DAB1: variants seen among roughly 807,000 people sequenced by gnomAD.
DAB1 encodes the protein DAB adaptor protein 1, also known as disabled homolog 1.
DAB1 carries 15 observed loss-of-function variants against 64.6 expected under a neutral mutation model. The observed-to-expected ratio is 0.23, with a 90% confidence interval of 0.16 to 0.36. The LOEUF is 0.36. DAB1 is among the 10% of genes least tolerant of loss of function. The probability of loss-of-function intolerance (pLI) is 1.00; values close to 1 mark genes in which losing one functional copy is unlikely to be tolerated. For missense variants in DAB1, 596 were observed against 706.7 expected (o/e 0.84, Z 1.78); for synonymous variants, 235 against 251.9 (o/e 0.93, Z 0.64).
At chr1:57,266,101 T>A (rs899446677) in intron 2 of DAB1, among the ~76,000 whole-genome samples, 10 of 151,680 alleles carry the variant, frequency 6.6e-5, no homozygotes, top group African/African-American at 2.4e-4. Context: ...ACAAGCAGAG[T>A]CATCTGCACA....
At chr1:57,506,214 G>C (rs1283778252) in intron 7 of DAB1, among the ~76,000 whole-genome samples, 1 of 152,130 alleles carries the variant, frequency 6.6e-6, no homozygotes, top group African/African-American at 2.4e-5. Context: ...AAGGAGGAAA[G>C]GGGAACTTTT....
intron 7 of DAB1, among the ~76,000 whole-genome samples, chr1:57,486,727 G>C (rs2101259895): frequency 6.6e-6 from 1 of 152,158 alleles, no homozygotes; most frequent in East Asian, 1.9e-4. Context: ...CTCAGCTTCA[G>C]GTACAATAAG....
intron 3 of DAB1, among the ~76,000 whole-genome samples, chr1:58,394,450 A>T (rs768771921): frequency 1.3e-5 from 2 of 152,220 alleles, no homozygotes; most frequent in African/African-American, 2.4e-5. Context: ...AACAGCCAAA[A>T]AGTGGAAACA....
intron 5 of DAB1, among the ~76,000 whole-genome samples, chr1:58,003,715 G>A (rs952935632): frequency 3.3e-5 from 5 of 152,124 alleles, no homozygotes; most frequent in Non-Finnish European, 7.3e-5. Flanking sequence ...GATGCTTCCC[G>A]GGCAAGGTGG....
intron 2 of DAB1, among the ~76,000 whole-genome samples, chr1:57,146,079 G>A (rs1659097747): frequency 6.6e-6 from 1 of 152,198 alleles, no homozygotes; most frequent in Non-Finnish European, 1.5e-5. Flanking sequence ...ATAATATTTT[G>A]CTAAGACACA....
chr1:57,363,837 C>T (rs1679749804), intron 1 of DAB1, among the ~76,000 whole-genome samples: 1 of 152,126 alleles, frequency 6.6e-6, no homozygotes, highest in Admixed American at 6.5e-5. Context: ...TCAGCTGTTC[C>T]ACTGCACCAG....
At chr1:58,474,803 G>A (rs1055691928) in intron 3 of DAB1, among the ~76,000 whole-genome samples, 3 of 152,326 alleles carry the variant, frequency 2.0e-5, no homozygotes, top group African/African-American at 4.8e-5. Flanking sequence ...GACAGTGAAA[G>A]CCTTTGAGTC....
chr1:58,142,295 T>C (rs945405203), intron 5 of DAB1, among the ~76,000 whole-genome samples: 1 of 152,250 alleles, frequency 6.6e-6, no homozygotes, highest in Non-Finnish European at 1.5e-5. Context: ...GCCAGCAGCA[T>C]TAAGCTGGTG....
At chr1:57,629,330 T>C (rs997021975) in intron 7 of DAB1, among the ~76,000 whole-genome samples, 2 of 152,166 alleles carry the variant, frequency 1.3e-5, no homozygotes, top group African/African-American at 4.8e-5. Flanking sequence ...CTGATGTAGA[T>C]TTCATGTGAC....
intron 7 of DAB1, among the ~76,000 whole-genome samples, chr1:57,559,434 A>G (rs914035857): frequency 1.3e-5 from 2 of 152,274 alleles, no homozygotes; most frequent in South Asian, 4.1e-4. Flanking sequence ...TCTTTCTCCC[A>G]TCCTTCCCGA....
intron 4 of DAB1, among the ~76,000 whole-genome samples, chr1:57,112,274 G>A (rs1655730174): frequency 6.6e-6 from 1 of 152,204 alleles, no homozygotes; most frequent in African/African-American, 2.4e-5. Context: ...ATACTTCAGA[G>A]TAAGTGCTGC....
At chr1:58,306,158 T>C (rs1339013782) in intron 4 of DAB1, among the ~76,000 whole-genome samples, 1 of 152,166 alleles carries the variant, frequency 6.6e-6, no homozygotes, top group Admixed American at 6.5e-5. Flanking sequence ...TTATTGGAGA[T>C]CTCAGATTCT....
intron 7 of DAB1, among the ~76,000 whole-genome samples, chr1:57,594,374 A>G (rs1038157962): frequency 4.6e-5 from 7 of 152,152 alleles, no homozygotes; most frequent in African/African-American, 1.7e-4. Flanking sequence ...TTAACAAATG[A>G]AGCCACCAGG....
chr1:57,367,222 C>T lies in DAB1; in HGVS notation c.-137+56708G>A, dbSNP rs368789331. 1.6e-3 allele frequency among the ~76,000 whole-genome samples: 248 copies of T among 152,110 alleles called. 1 individual carries two copies. The highest frequency in any genetic ancestry group is 5.5e-3 in the African/African-American group (227 of 41,528). ...CCAGGGAGGCTGAGGCTGCAGTAAGCTGTGATGGCACTACTGCACTTCAGC... is the reference window on the plus strand; with the variant it reads ...CCAGGGAGGCTGAGGCTGCAGTAAGTTGTGATGGCACTACTGCACTTCAGC... On this transcript the variant is annotated intron_variant, in intron 1 of 14. Coordinates refer to ENST00000371236, the MANE Select transcript of DAB1 (RefSeq NM_001365792.1).
intron 7 of DAB1, among the ~76,000 whole-genome samples, chr1:57,599,838 T>C (rs1645555383): frequency 6.6e-6 from 1 of 152,172 alleles, no homozygotes; most frequent in Non-Finnish European, 1.5e-5. Context: ...GCCTCATTGC[T>C]CAGATAGCTC....
At chr1:58,214,232 C>T (rs1404100048) in intron 4 of DAB1, among the ~76,000 whole-genome samples, 1 of 152,176 alleles carries the variant, frequency 6.6e-6, no homozygotes, top group Admixed American at 6.5e-5. Context: ...TCTGTCTCCT[C>T]TTTCAGTTGG....
intron 2 of DAB1, among the ~76,000 whole-genome samples, chr1:57,221,278 A>C (rs1462699058): frequency 6.6e-6 from 1 of 151,678 alleles, no homozygotes; most frequent in Admixed American, 6.6e-5. Context: ...GGATAGCATT[A>C]GGAGATATAC....
intron 3 of DAB1, among the ~76,000 whole-genome samples, chr1:58,453,966 C>T (rs1645165083): frequency 2.0e-5 from 3 of 152,052 alleles, no homozygotes; most frequent in South Asian, 4.1e-4. Flanking sequence ...CTCCTGCTTG[C>T]ACATCAGCTT....
At chr1:57,960,588 C>A (rs1018322157) in intron 5 of DAB1, among the ~76,000 whole-genome samples, 4 of 151,396 alleles carry the variant, frequency 2.6e-5, no homozygotes, top group African/African-American at 4.9e-5. Context: ...TATTTTTATT[C>A]AGTAGTATAA....
Sources: gnomAD v4.1 joint callset for allele counts (sites outside exome capture counted in the v4.1 genomes callset) on GRCh38, gnomAD v4.1.1 for gene constraint, MANE v1.5 for transcripts, NCBI Gene and HGNC (gene_info 2026-07-23, HGNC 2026-07-21) for gene names.